Variants in IPO9 observed in about 807,000 individuals in gnomAD.
The protein encoded by IPO9 is importin 9, also known as importin-9.
In IPO9, 28 loss-of-function variants were observed where a neutral mutation model predicts 128.6. The ratio of observed to expected loss-of-function variants is 0.22; its 90% CI spans 0.16 to 0.30. The LOEUF (loss-of-function observed/expected upper bound fraction) is 0.30, where lower values mean the gene tolerates loss of function less well. Ranked by LOEUF, IPO9 falls within the 10% of genes least tolerant of loss-of-function variation. The pLI, the probability that IPO9 is intolerant of heterozygous loss-of-function variation, is 1.00. For missense variants in IPO9, 935 were observed against 1,293.9 expected, an observed-to-expected ratio of 0.72 and a Z score of 4.26; for synonymous variants, 455 against 475.8, an observed-to-expected ratio of 0.96 and a Z score of 0.57.
At chr1:201,850,689 C>G (rs1361750558) in intron 4 of IPO9, 1 of 152,148 alleles carries the variant, frequency 6.6e-6, no homozygotes, top group Non-Finnish European at 1.5e-5. Context: ...AAAAAGCAGT[C>G]AAGCACTTTA....
intron 21 of IPO9, 117 bp from the exon 22 acceptor site, chr1:201,874,715 G>T: frequency 1.4e-6 from 1 of 730,162 alleles, no homozygotes; most frequent in Admixed American, 2.2e-5. Context: ...CTTTCACTGG[G>T]GACTACAAGC....
chr1:201,855,631 T>C, intron 9 of IPO9, 152 bp from the exon 10 acceptor site: 1 of 677,948 alleles, frequency 1.5e-6, no homozygotes, highest in South Asian at 2.1e-5. Flanking sequence ...TTTTGTGACC[T>C]CTGAGCCCTC....
chr1:201,852,895 C>T (rs1680252027), intron 5 of IPO9, 116 bp from the exon 6 acceptor site: 5 of 763,868 alleles, frequency 6.5e-6, no homozygotes, highest in Non-Finnish European at 1.1e-5. Context: ...TTCTCGAGGG[C>T]ATCCAATCTC....
At chr1:201,866,524 T>C (rs968268517) in intron 14 of IPO9, among the ~76,000 whole-genome samples, 4 of 143,334 alleles carry the variant, frequency 2.8e-5, no homozygotes, top group African/African-American at 5.1e-5. Context: ...TTAAAGAAAA[T>C]AGCAAAAGTC....
intron 1 of IPO9, among the ~76,000 whole-genome samples, chr1:201,845,013 AT>A (rs1215389438): frequency 6.5e-4 from 89 of 136,892 alleles, no homozygotes; most frequent in East Asian, 1.0e-3. Flanking sequence ...TGATACCAGT[AT>A]TTTTTTTGGG....
intron 11 of IPO9, among the ~76,000 whole-genome samples, chr1:201,857,611 C>G (rs915320239): frequency 6.6e-6 from 1 of 152,072 alleles, no homozygotes; most frequent in African/African-American, 2.4e-5. Context: ...GCCTGACCAA[C>G]ATGGAGAAAC....
At chr1:201,854,139 C>G (rs1468901892) in intron 6 of IPO9, among the ~76,000 whole-genome samples, 2 of 152,206 alleles carry the variant, frequency 1.3e-5, no homozygotes, top group Non-Finnish European at 2.9e-5. Flanking sequence ...TCCCAAAGTG[C>G]TAGGATTATA....
intron 23 of IPO9, among the ~76,000 whole-genome samples, chr1:201,875,520 G>T (rs940589067): frequency 6.6e-6 from 1 of 151,686 alleles, no homozygotes; most frequent in Middle Eastern, 3.2e-3. Context: ...AGGCCAAGAG[G>T]TCAAGGCTGC....
chr1:201,876,241 G>A lies in IPO9; in HGVS notation c.*187G>A. On this transcript the variant is annotated 3_prime_UTR_variant, in exon 24 of 24. Coordinates refer to ENST00000361565, the MANE Select transcript of IPO9 (RefSeq NM_018085.5). ...CCGGTGCCGTCACTTAGGAATGCTG[G>A]AACAAAGGACATTTCTCAAAGTTCC... 1.4e-6 allele frequency: 1 copy of A among 705,590 alleles called. No homozygotes were observed. The highest frequency in any genetic ancestry group is 2.7e-6 in the Non-Finnish European group (1 of 376,612). The allele number at this position is 705,590 out of a possible 1,614,324, so 43.7% of individuals were successfully genotyped here. A position where few individuals can be genotyped will look rare whatever the true frequency, so the allele number is the denominator to read the frequency against.
chr1:201,833,135 T>C (rs1304894479), intron 1 of IPO9, among the ~76,000 whole-genome samples: 1 of 152,026 alleles, frequency 6.6e-6, no homozygotes, highest in African/African-American at 2.4e-5. Context: ...GCCAAGGAAG[T>C]GTGTGTATGT....
Position 201,866,746 on chromosome 1 carries a change from C to G in IPO9, c.1642C>G (p.Leu548Val). ...ATCTCTCTCTAGTTATTGTGACCAA[C>G]TGAAAGTCTCAGAGAGTACCCACGT... ...VRAIWGYCDQ[L>V]KVSESTHVLQ... Residue 548 changes from leucine to valine, a missense_variant, in exon 15 of 24, where the codon CTG becomes GTG. Physicochemically the swap from Leu to Val is conservative, Grantham distance 32 (BLOSUM62 1). Transcript: ENST00000361565. The G allele has an allele frequency of 6.2e-7, 1 of 1,613,548 alleles. No homozygotes were observed. Among genetic ancestry groups the G allele is most frequent in the South Asian group, 1.1e-5 (1 of 91,074 alleles).
chr1:201,832,287 T>C (rs933091748), intron 1 of IPO9, among the ~76,000 whole-genome samples: 6 of 149,870 alleles, frequency 4.0e-5, no homozygotes, highest in Non-Finnish European at 8.9e-5. Context: ...AGTCTCACTC[T>C]GTGGTCCAGG....
Position 201,880,854 on chromosome 1 carries a change from A to C in IPO9, c.*4800A>C, listed in dbSNP as rs1345905689. On this transcript the variant is annotated 3_prime_UTR_variant, in exon 24 of 24. Transcript: ENST00000361565. ...CCATACAATCAGTACAGTATTCAAT[A>C]AATTACATGAGACATTCAACACTTT... 6.6e-6 allele frequency: 1 copy of C among 152,252 alleles called. No individual in the cohort carries two copies. Among genetic ancestry groups the C allele is most frequent in the Non-Finnish European group, 1.5e-5 (1 of 68,050 alleles). 9.4% of individuals were successfully genotyped at this position (152,252 alleles called of 1,614,324 possible).
Position 201,870,677 on chromosome 1 carries a change from T to G in IPO9, c.2228T>G (p.Val743Gly), listed in dbSNP as rs1680632978. The G allele has an allele frequency of 6.2e-7, 1 of 1,614,116 alleles. No individual in the cohort carries two copies. Among genetic ancestry groups the G allele is most frequent in the Non-Finnish European group, 8.5e-7 (1 of 1,180,044 alleles). Residue 743 changes from valine to glycine, a missense_variant, in exon 18 of 24, where the codon GTG becomes GGG. By Grantham distance (109) the Val-to-Gly change is moderately radical (BLOSUM62 -3). This residue lies in a region of IPO9 where 741 missense variants were observed against 1,019.1 expected (regional missense o/e 0.73). Transcript: ENST00000361565. This position sits in a 1 kb window ranked among gnomAD's most constrained non-coding sequence, Gnocchi z 4.9. ...CAGGGCCACAATGGACTGTGGTATG[T>G]GATGCAAGTGGTGAGCCAGCTCCTG... ...DEQGHNGLWY[V>G]MQVVSQLLDP...
chr1:201,829,762 G>A (rs1252684072), intron 1 of IPO9, among the ~76,000 whole-genome samples: 1 of 152,136 alleles, frequency 6.6e-6, no homozygotes, highest in African/African-American at 2.4e-5. Flanking sequence ...ATTGTACTGG[G>A]ATAAGAGTAG....
rs139653552 is a variant in IPO9, at chr1:201,879,154, G to A, written c.*3100G>A. On this transcript the variant is annotated 3_prime_UTR_variant, in exon 24 of 24. Transcript: ENST00000361565. ...GATAACACAAGTTACAGACGTATAT[G>A]TGACATTGATTTGGGAGAATGAACC... 1.5e-3 allele frequency: 236 copies of A among 152,342 alleles called. 3 individuals carry two copies. The highest frequency in any genetic ancestry group is 5.4e-3 in the African/African-American group (224 of 41,586). The allele number at this position is 152,342 out of a possible 1,614,324, so 9.4% of individuals were successfully genotyped here. A position where few individuals can be genotyped will look rare whatever the true frequency, so the allele number is the denominator to read the frequency against.
intron 3 of IPO9, 91 bp from the exon 4 acceptor site, chr1:201,848,302 A>C (rs1262188953): frequency 3.7e-6 from 4 of 1,087,750 alleles, no homozygotes; most frequent in Non-Finnish European, 4.3e-6. Flanking sequence ...CCTTGTACTC[A>C]TTGTTTTTCC....
At chr1:201,869,558 A>ATT in intron 16 of IPO9, 32 bp from the exon 17 acceptor site, 2 of 1,612,196 alleles carry the variant, frequency 1.2e-6, no homozygotes, top group Non-Finnish European at 1.7e-6. Flanking sequence ...CCCAGAGGCA[A>ATT]TTCTGACTTT....
At chr1:201,851,198 A>G (rs868621878) in intron 4 of IPO9, among the ~76,000 whole-genome samples, 3 of 107,456 alleles carry the variant, frequency 2.8e-5, no homozygotes, top group African/African-American at 9.2e-5. Context: ...TTTTTTTTTT[A>G]AATGTACTGG....
Sources: gnomAD v4.1 joint callset for allele counts (sites outside exome capture counted in the v4.1 genomes callset) on GRCh38, gnomAD v4.1.1 for gene constraint, gnomAD v4.1.1 regional missense constraint, Gnocchi (gnomAD v3.1) non-coding constraint, MANE v1.5 for transcripts, NCBI Gene and HGNC (gene_info 2026-07-23, HGNC 2026-07-21) for gene names.